Variants in CUX1 observed in about 807,000 individuals in gnomAD.
CUX1 encodes the protein cut like homeobox 1.
Under a neutral mutation model 158.8 loss-of-function variants are expected in CUX1, and 31 were observed. The ratio of observed to expected loss-of-function variants is 0.20; its 90% CI spans 0.15 to 0.26. The LOEUF (loss-of-function observed/expected upper bound fraction) is 0.26, where lower values mean the gene tolerates loss of function less well. Among genes scored for constraint, CUX1 ranks in the 10% least tolerant of loss-of-function variants. The pLI, the probability that CUX1 is intolerant of heterozygous loss-of-function variation, is 1.00. For missense variants in CUX1, 1,589 were observed against 2,014.6 expected (o/e 0.79, Z 4.04); for synonymous variants, 879 against 862.1 (o/e 1.02, Z -0.34).
rs1364787260 is a variant in CUX1 at position 101,894,988 on chromosome 7, C to T, written c.31-21127C>T. On this transcript the variant is annotated intron_variant, in intron 1 of 23. Coordinates refer to ENST00000292535, the MANE Select transcript of CUX1 (RefSeq NM_181552.4). ...CCAAGTCTGAGTACTGGTCGGCTTCCTAGACTCCTTAAAACGCTGGGTATT... is the reference window on the plus strand; with the variant it reads ...CCAAGTCTGAGTACTGGTCGGCTTCTTAGACTCCTTAAAACGCTGGGTATT... Among the ~76,000 whole-genome samples, 3 of 151,962 alleles carry T rather than the reference C, an allele frequency of 2.0e-5. No homozygotes were observed. The South Asian group carries it at 6.2e-4, about 32-fold the overall frequency.
intron 4 of CUX1, among the ~76,000 whole-genome samples, chr7:102,075,761 T>G (rs1182134910): frequency 1.3e-5 from 2 of 152,228 alleles, no homozygotes; most frequent in Non-Finnish European, 2.9e-5. Flanking sequence ...TGTAGCAGTT[T>G]AATAGCTGTC....
At chr7:101,988,596 G>A (rs1329316550) in intron 2 of CUX1, among the ~76,000 whole-genome samples, 6 of 152,064 alleles carry the variant, frequency 3.9e-5, no homozygotes, top group African/African-American at 7.2e-5. Flanking sequence ...GTATGTCCTC[G>A]CCTCTCCTGT....
chr7:102,181,054 GC>G (rs1793035476), intron 11 of CUX1, among the ~76,000 whole-genome samples: 1 of 151,560 alleles, frequency 6.6e-6, no homozygotes, highest in South Asian at 2.1e-4. Flanking sequence ...TGATTCTCCT[GC>G]CTCTGCCTCC....
intron 8 of CUX1, among the ~76,000 whole-genome samples, chr7:102,116,598 C>G (rs201504): frequency 0.62 from 94,574 of 151,876 alleles, 30,811 homozygotes; most frequent in African/African-American, 0.77. Context: ...GAGCTGTGAT[C>G]GTACCAGTGC....
intron 3 of CUX1, among the ~76,000 whole-genome samples, chr7:102,046,903 C>T (rs1173550628): frequency 2.6e-5 from 4 of 152,078 alleles, no homozygotes; most frequent in African/African-American, 4.8e-5. Context: ...TGACAGCTTG[C>T]GAAGTGCATT....
At chr7:102,021,772 A>G (rs1585307262) in intron 2 of CUX1, among the ~76,000 whole-genome samples, 1 of 151,928 alleles carries the variant, frequency 6.6e-6, no homozygotes, top group Admixed American at 6.6e-5. Context: ...TGTTGGTCAG[A>G]CTGGTCTCCA....
At chr7:101,998,109 G>C (rs1425059084) in intron 2 of CUX1, among the ~76,000 whole-genome samples, 1 of 152,236 alleles carries the variant, frequency 6.6e-6, no homozygotes, top group Non-Finnish European at 1.5e-5. Context: ...GCCGGGTACT[G>C]TGCCATAATA....
intron 2 of CUX1, among the ~76,000 whole-genome samples, chr7:101,973,728 A>G (rs1812277848): frequency 6.6e-6 from 1 of 151,654 alleles, no homozygotes; most frequent in Non-Finnish European, 1.5e-5. Flanking sequence ...GGCACTTTCT[A>G]TACTGTCCAC....
chr7:101,843,633 C>G (rs1398030672), intron 1 of CUX1, among the ~76,000 whole-genome samples: 2 of 151,972 alleles, frequency 1.3e-5, no homozygotes, highest in Admixed American at 1.3e-4. Flanking sequence ...TTTCAACTGC[C>G]TGGAGTAGGG....
chr7:102,080,308 G>T (rs1455620788), intron 4 of CUX1, among the ~76,000 whole-genome samples: 1 of 152,160 alleles, frequency 6.6e-6, no homozygotes, highest in Non-Finnish European at 1.5e-5. Flanking sequence ...CTGGCACGCC[G>T]GGTATCTAGA....
In CUX1 at chr7:102,249,238, C is replaced by T; in HGVS notation, c.*196C>T. 6 of 1,087,272 alleles carry T rather than the reference C, an allele frequency of 5.5e-6. No homozygotes were observed. The highest frequency in any genetic ancestry group is 6.7e-6 in the Non-Finnish European group (6 of 894,534). The allele number at this position is 1,087,272 out of a possible 1,614,324, so 67.4% of individuals were successfully genotyped here. ...CCGACCCGAGGCCCAGATCCAAGGC[C>T]GCGGCCCAGACCCACTCTGCGGCCC... On this transcript the variant is annotated 3_prime_UTR_variant, in exon 24 of 24. Transcript: ENST00000292535.
At chr7:102,282,098 C>A (rs116134369) in intron 21 of CUX1, among the ~76,000 whole-genome samples, 1 of 152,176 alleles carries the variant, frequency 6.6e-6, no homozygotes. Flanking sequence ...CGAGAAGGAC[C>A]CACCCCATTG....
chr7:102,162,078 G>C (rs1231811714), intron 9 of CUX1, among the ~76,000 whole-genome samples: 1 of 152,008 alleles, frequency 6.6e-6, no homozygotes, highest in Non-Finnish European at 1.5e-5. Flanking sequence ...AGCACCACTG[G>C]ACAGCAGGAG....
intron 4 of CUX1, among the ~76,000 whole-genome samples, chr7:102,088,116 G>A (rs1585610774): frequency 6.6e-6 from 1 of 151,742 alleles, no homozygotes; most frequent in East Asian, 2.0e-4. Context: ...TGCTGACTCA[G>A]CCTCCCCAGT....
At chr7:101,943,078 CTTTTTT>C (rs58332486) in intron 2 of CUX1, among the ~76,000 whole-genome samples, 17 of 80,324 alleles carry the variant, frequency 2.1e-4, no homozygotes, top group South Asian at 5.0e-4. Context: ...CTGGTCAGTG[CTTTTTT>C]TTTTTTTTTT....
chr7:101,907,383 C>G (rs1195354093), intron 1 of CUX1, among the ~76,000 whole-genome samples: 7 of 152,012 alleles, frequency 4.6e-5, no homozygotes, highest in Non-Finnish European at 4.4e-5. Flanking sequence ...GAGTCTCACT[C>G]TGTTTCCCAG....
At chr7:102,112,069 A>C in intron 7 of CUX1, 8 of 240,108 alleles carry the variant, frequency 3.3e-5, no homozygotes, top group Non-Finnish European at 3.2e-5. Context: ...AAATCACCAA[A>C]CTGTCAAGGA....
chr7:102,146,410 G>A (rs946958310), intron 8 of CUX1, among the ~76,000 whole-genome samples: 9 of 152,174 alleles, frequency 5.9e-5, no homozygotes, highest in African/African-American at 1.2e-4. Flanking sequence ...GACCCCGCAC[G>A]TGCCGTAGAA....
At chr7:102,042,978 C>A (rs1050699056) in intron 3 of CUX1, among the ~76,000 whole-genome samples, 4 of 152,024 alleles carry the variant, frequency 2.6e-5, no homozygotes. Context: ...TTAGTAAAGC[C>A]GAAGTCTGGC....
Sources: allele counts gnomAD v4.1 joint callset (sites outside exome capture counted in the v4.1 genomes callset), GRCh38; gene constraint gnomAD v4.1.1; transcripts MANE v1.5; gene names NCBI Gene and HGNC (gene_info 2026-07-23, HGNC 2026-07-21).